Variants in AXDND1 observed in about 807,000 individuals in gnomAD.
AXDND1 encodes axonemal dynein light chain domain-containing protein 1.
AXDND1 carries 110 observed loss-of-function variants against 137.5 expected under a neutral mutation model. That is an observed-to-expected ratio of 0.80 (90% CI 0.69 to 0.94). The LOEUF is 0.94. Ranked by LOEUF, AXDND1 falls within the 40% of genes least tolerant of loss-of-function variation. The probability of loss-of-function intolerance (pLI) is 0.00; values close to 1 mark genes in which losing one functional copy is unlikely to be tolerated. For missense variants in AXDND1, 1,191 were observed against 1,169.8 expected (o/e 1.02, Z -0.26); for synonymous variants, 414 against 399.7 (o/e 1.04, Z -0.43).
intron 12 of AXDND1, among the ~76,000 whole-genome samples, chr1:179,412,604 T>C (rs1654063529): frequency 6.6e-6 from 1 of 152,124 alleles, no homozygotes; most frequent in African/African-American, 2.4e-5. Context: ...TTCATTTACT[T>C]ACTAGAGGTA....
chr1:179,527,717 C>T (rs1438630873), intron 22 of AXDND1, among the ~76,000 whole-genome samples: 1 of 152,152 alleles, frequency 6.6e-6, no homozygotes, highest in Non-Finnish European at 1.5e-5. Context: ...TTCTAGTAAA[C>T]TGCTTTTACT....
At chr1:179,390,761 T>C (rs139062567) in intron 9 of AXDND1, among the ~76,000 whole-genome samples, 1 of 152,126 alleles carries the variant, frequency 6.6e-6, no homozygotes, top group Non-Finnish European at 1.5e-5. Context: ...TTTTTTTTTC[T>C]TTTTTAATGA....
At chr1:179,503,316 T>C (rs1367198674) in intron 20 of AXDND1, among the ~76,000 whole-genome samples, 1 of 151,964 alleles carries the variant, frequency 6.6e-6, no homozygotes, top group Non-Finnish European at 1.5e-5. Flanking sequence ...ATAACTATTA[T>C]AAAACTGTTT....
At chr1:179,409,370 A>T (rs12738757) in intron 11 of AXDND1, among the ~76,000 whole-genome samples, 96,622 of 151,546 alleles carry the variant, frequency 0.64, 31,234 homozygotes, top group Middle Eastern at 0.7. Flanking sequence ...GGGGTTTTTT[A>T]AAAAAATATG....
At position 179,554,586 on chromosome 1, in the gene AXDND1, T is replaced by C. The variant is rs1673799400; in HGVS notation, c.*67T>C. 10 of 1,611,672 alleles carry C rather than the reference T, an allele frequency of 6.2e-6. No homozygotes were observed. The highest frequency in any genetic ancestry group is 5.9e-6 in the Non-Finnish European group (7 of 1,177,784). ...GGAGCCTCCAGGTGGGAGGAGAGCA[T>C]GCCTAAACCCTGGTGGCCATTGTTC... is the stretch of plus-strand genomic sequence containing the variant. On this transcript the variant is annotated 3_prime_UTR_variant, in exon 26 of 26. Coordinates refer to ENST00000367618, the MANE Select transcript of AXDND1 (RefSeq NM_144696.6).
At chr1:179,524,092 T>G (rs1476119926) in intron 21 of AXDND1, among the ~76,000 whole-genome samples, 1 of 152,230 alleles carries the variant, frequency 6.6e-6, no homozygotes, top group African/African-American at 2.4e-5. Context: ...ACTCATTGAT[T>G]GATGGGCATT....
rs370717544 is a variant in AXDND1, at chr1:179,491,745, G to A, written c.2291+8G>A. On this transcript the variant is annotated splice_region_variant and intron_variant, in intron 19 of 25. Transcript: ENST00000367618. ...CTCCAGCTATTTGAGCAGGTGAAGC[G>A]GTTATTTTATTGTTGCCCTTTTGAA... 1.6e-4 allele frequency: 247 copies of A among 1,527,502 alleles called. No individual in the cohort carries two copies. Among genetic ancestry groups the A allele is most frequent in the Non-Finnish European group, 2.0e-4 (232 of 1,140,500 alleles). The allele number at this position is 1,527,502 out of a possible 1,614,324, so 94.6% of individuals were successfully genotyped here.
rs202170595 is a variant in AXDND1, at chr1:179,393,977, G to A, written c.938G>A (p.Arg313Gln). The change falls in exon 10 of 26, where the codon CGA becomes CAA. Residue 313 changes from arginine (R) to glutamine (Q), a missense_variant. Coordinates refer to ENST00000367618, the MANE Select transcript of AXDND1 (RefSeq NM_144696.6). The part of the protein sequence containing the change: ...IDFYKDLVTQ[R>Q]VMDQRILEEL... Reference sequence around the variant, plus strand: ...TTCTACAAAGACTTGGTAACTCAGCGAGTGATGGACCAGCGCATTTTAGAA... The same window carrying A: ...TTCTACAAAGACTTGGTAACTCAGCAAGTGATGGACCAGCGCATTTTAGAA... The A allele has an allele frequency of 1.3e-5, 21 of 1,611,602 alleles. No homozygotes were observed. Among genetic ancestry groups the A allele is most frequent in the African/African-American group, 4.0e-5 (3 of 74,728 alleles).
chr1:179,412,370 T>C (rs750587384), intron 12 of AXDND1, among the ~76,000 whole-genome samples: 36 of 152,162 alleles, frequency 2.4e-4, no homozygotes, highest in Non-Finnish European at 4.6e-4. Flanking sequence ...TCAGTTAAAT[T>C]GGTTCACTGG....
At chr1:179,404,352 G>T (rs1474639686) in intron 11 of AXDND1, among the ~76,000 whole-genome samples, 1 of 151,866 alleles carries the variant, frequency 6.6e-6, no homozygotes, top group Admixed American at 6.6e-5. Flanking sequence ...CTCCTGAGTA[G>T]CTGGGAGTAC....
At chr1:179,390,158 C>G (rs1047737844) in intron 9 of AXDND1, among the ~76,000 whole-genome samples, 2 of 152,022 alleles carry the variant, frequency 1.3e-5, no homozygotes, top group African/African-American at 4.8e-5. Context: ...GGATTATAGG[C>G]ATGTGCCACT....
At chr1:179,482,365 T>C (rs1665522748) in intron 17 of AXDND1, among the ~76,000 whole-genome samples, 1 of 152,018 alleles carries the variant, frequency 6.6e-6, no homozygotes, top group Admixed American at 6.6e-5. Flanking sequence ...AGAGTATTTA[T>C]TATATATATA....
intron 16 of AXDND1, among the ~76,000 whole-genome samples, chr1:179,460,650 G>C (rs1444939492): frequency 1.3e-5 from 2 of 152,174 alleles, no homozygotes; most frequent in African/African-American, 4.8e-5. Context: ...GGTTGAACTA[G>C]TTTACAGTCC....
chr1:179,521,742 T>C (rs868049323), intron 21 of AXDND1, among the ~76,000 whole-genome samples: 8 of 145,448 alleles, frequency 5.5e-5, no homozygotes, highest in African/African-American at 2.0e-4. Flanking sequence ...TGCCTTTATT[T>C]CACCCTCATT....
At chr1:179,478,196 T>G (rs1664868696) in intron 17 of AXDND1, among the ~76,000 whole-genome samples, 1 of 152,064 alleles carries the variant, frequency 6.6e-6, no homozygotes, top group Non-Finnish European at 1.5e-5. Context: ...CATTCTGGGG[T>G]CTGGAGGACA....
chr1:179,542,125 G>T (rs781443981), intron 25 of AXDND1, among the ~76,000 whole-genome samples: 31 of 152,130 alleles, frequency 2.0e-4, no homozygotes, highest in Non-Finnish European at 4.0e-4. Flanking sequence ...GATACTTTAT[G>T]TTATAGGGAG....
chr1:179,461,537 A>C (rs1662323517), intron 16 of AXDND1, among the ~76,000 whole-genome samples: 1 of 152,134 alleles, frequency 6.6e-6, no homozygotes. Context: ...AATGTGGGCT[A>C]TTTTTTGGTT....
At chr1:179,383,406 T>C in intron 7 of AXDND1, 36 bp from the exon 8 acceptor site, 1 of 1,485,314 alleles carries the variant, frequency 6.7e-7, no homozygotes, top group Non-Finnish European at 9.4e-7. Flanking sequence ...CCTGTTGCAA[T>C]GTTAATTGCA....
Position 179,429,535 on chromosome 1 carries a change from A to C in AXDND1, c.1248A>C (p.Arg416Ser). The change falls in exon 13 of 26, where the codon AGA becomes AGC. Residue 416 changes from arginine (R) to serine (S), a missense_variant. Transcript: ENST00000367618. ...ELALKVIERN[R>S]VILARRLYLN... Reference sequence around the variant, plus strand: ...TTTTATAGGTGATTGAAAGAAATAGAGTCATATTGGCTAGAAGACTTTACC... The same window carrying C: ...TTTTATAGGTGATTGAAAGAAATAGCGTCATATTGGCTAGAAGACTTTACC... 1 of 1,540,208 alleles carries C rather than the reference A, an allele frequency of 6.5e-7. No homozygotes were observed.
Sources: gnomAD v4.1 joint callset for allele counts (sites outside exome capture counted in the v4.1 genomes callset) on GRCh38, gnomAD v4.1.1 for gene constraint, MANE v1.5 for transcripts, NCBI Gene and HGNC (gene_info 2026-07-23, HGNC 2026-07-21) for gene names.